RBFOX3: variants seen among roughly 807,000 people sequenced by gnomAD.
The protein encoded by RBFOX3 is RNA binding protein fox-1 homolog 3.
In RBFOX3, 17 loss-of-function variants were observed where a neutral mutation model predicts 48.7. That is an observed-to-expected ratio of 0.35 (90% CI 0.24 to 0.52). The LOEUF is 0.52. Ranked by LOEUF, RBFOX3 falls within the 20% of genes least tolerant of loss-of-function variation. The pLI, the probability that RBFOX3 is intolerant of heterozygous loss-of-function variation, is 0.94. For missense variants in RBFOX3, 382 were observed against 497.5 expected, an observed-to-expected ratio of 0.77 and a Z score of 2.21; for synonymous variants, 212 against 209.5, an observed-to-expected ratio of 1.01 and a Z score of -0.10.
At chr17:79,357,255 C>T (rs900029324) in intron 2 of RBFOX3, among the ~76,000 whole-genome samples, 1 of 152,256 alleles carries the variant, frequency 6.6e-6, no homozygotes, top group African/African-American at 2.4e-5. Flanking sequence ...GAAAGAGCGC[C>T]ACTTGTAAGC....
intron 4 of RBFOX3, among the ~76,000 whole-genome samples, chr17:79,116,948 C>T (rs982212749): frequency 1.3e-5 from 2 of 152,228 alleles, no homozygotes; most frequent in African/African-American, 4.8e-5. Flanking sequence ...CCTCCTCCAG[C>T]AATCTGCGTG....
At chr17:79,316,477 G>T (rs533650823) in intron 2 of RBFOX3, among the ~76,000 whole-genome samples, 1 of 152,182 alleles carries the variant, frequency 6.6e-6, no homozygotes, top group Non-Finnish European at 1.5e-5. Context: ...GCCAGGGACT[G>T]TTACTCAGGA....
chr17:79,173,700 G>A (rs2049887384), intron 4 of RBFOX3, among the ~76,000 whole-genome samples: 1 of 152,160 alleles, frequency 6.6e-6, no homozygotes, highest in African/African-American at 2.4e-5. Flanking sequence ...GGGGGCCTGG[G>A]AGGAAAATGG....
rs2088504011 is a variant in RBFOX3 at position 79,535,152 on chromosome 17, G to A, written c.-319-52554C>T. On this transcript the variant is annotated intron_variant, in intron 1 of 14. Coordinates refer to ENST00000693108, the MANE Select transcript of RBFOX3 (RefSeq NM_001350451.2). The surrounding 1 kb of genome is among the most constrained non-coding windows in gnomAD (Gnocchi z 4.5). Reference sequence around the variant, plus strand: ...ATTCAGCCCCTCTCTATGCCACAAGGACACAGGTCCTGTCTCCTGCCTGCT... The same window carrying A: ...ATTCAGCCCCTCTCTATGCCACAAGAACACAGGTCCTGTCTCCTGCCTGCT... Among the ~76,000 whole-genome samples the A allele has an allele frequency of 6.6e-6, 1 of 152,158 alleles. No individual in the cohort carries two copies. Among genetic ancestry groups the A allele is most frequent in the Non-Finnish European group, 1.5e-5 (1 of 68,034 alleles).
At chr17:79,427,145 CT>C (rs1329585254) in intron 2 of RBFOX3, among the ~76,000 whole-genome samples, 1 of 152,208 alleles carries the variant, frequency 6.6e-6, no homozygotes, top group Non-Finnish European at 1.5e-5. Flanking sequence ...GTAGCTGTGC[CT>C]CCCCTTTAGC....
chr17:79,282,880 C>G (rs2144508834), intron 3 of RBFOX3, among the ~76,000 whole-genome samples: 1 of 152,370 alleles, frequency 6.6e-6, no homozygotes, highest in East Asian at 1.9e-4. Context: ...AAGACTGACC[C>G]TCAGCTCTGC....
intron 9 of RBFOX3, among the ~76,000 whole-genome samples, chr17:79,100,866 C>T (rs1165993847): frequency 3.3e-5 from 5 of 152,334 alleles, no homozygotes; most frequent in African/African-American, 1.2e-4. Flanking sequence ...GGAAGACCGG[C>T]CACCTCCGTT....
At chr17:79,139,171 A>G in intron 4 of RBFOX3, among the ~76,000 whole-genome samples, 1 of 152,144 alleles carries the variant, frequency 6.6e-6, no homozygotes, top group East Asian at 1.9e-4. Flanking sequence ...ACCTGGGCTC[A>G]CACCCATGTC....
chr17:79,111,840 G>A lies in RBFOX3; in HGVS notation c.222+3654C>T, dbSNP rs573903522. On this transcript the variant is annotated intron_variant, in intron 5 of 14. Transcript: ENST00000693108. This position sits in a 1 kb window ranked among gnomAD's most constrained non-coding sequence, Gnocchi z 4.2. The stretch of plus-strand genomic sequence containing the variant: ...ATACATGCTCCAGATGGTGACCCCT[G>A]CTGGGGAACACAGACCCTGGGGGTG... 2.6e-5 allele frequency among the ~76,000 whole-genome samples: 4 copies of A among 152,252 alleles called. No individual in the cohort carries two copies. In the South Asian group the frequency reaches 8.3e-4, roughly 31 times the overall value.
chr17:79,555,296 T>G (rs1599140665), intron 1 of RBFOX3, among the ~76,000 whole-genome samples: 2 of 150,340 alleles, frequency 1.3e-5, no homozygotes, highest in Non-Finnish European at 3.0e-5. Context: ...GTGGTGATGG[T>G]GGTGATGATG....
chr17:79,096,620 T>TTGCCC, intron 12 of RBFOX3, 33 bp downstream of exon 12: 1 of 1,502,346 alleles, frequency 6.7e-7, no homozygotes, highest in Non-Finnish European at 9.1e-7. Flanking sequence ...GAACGCCTGA[T>TTGCCC]CCCACCCTCC....
chr17:79,174,551 A>T (rs1377183983), intron 4 of RBFOX3, among the ~76,000 whole-genome samples: 1 of 152,020 alleles, frequency 6.6e-6, no homozygotes, highest in Admixed American at 6.6e-5. Flanking sequence ...ACACACTGAT[A>T]CACAATGCAC....
At chr17:79,092,462 T>A in intron 14 of RBFOX3, 1 of 985,788 alleles carries the variant, frequency 1.0e-6, no homozygotes, top group Non-Finnish European at 1.2e-6. Context: ...ATTTTAGAGT[T>A]GCAGGGGGCC....
At chr17:79,319,419 G>A (rs540282122) in intron 2 of RBFOX3, among the ~76,000 whole-genome samples, 7 of 152,340 alleles carry the variant, frequency 4.6e-5, no homozygotes, top group Non-Finnish European at 8.8e-5. Flanking sequence ...TTGGGCTGCC[G>A]GAGTGGTGAT....
intron 2 of RBFOX3, among the ~76,000 whole-genome samples, chr17:79,446,190 G>C (rs2072255404): frequency 6.6e-6 from 1 of 152,196 alleles, no homozygotes; most frequent in African/African-American, 2.4e-5. Flanking sequence ...GCTGGCCCTA[G>C]AGATGGTCAG....
chr17:79,511,740 G>A (rs904116779), intron 1 of RBFOX3, among the ~76,000 whole-genome samples: 5 of 148,988 alleles, frequency 3.4e-5, no homozygotes, highest in East Asian at 2.0e-4. Flanking sequence ...TGTTACCATC[G>A]GGTACAGCCC....
intron 4 of RBFOX3, among the ~76,000 whole-genome samples, chr17:79,138,381 CACAT>C (rs1194209666): frequency 5.3e-5 from 8 of 152,212 alleles, no homozygotes; most frequent in East Asian, 1.9e-4. Context: ...ACACACTCCA[CACAT>C]ACACAGTGCA....
At chr17:79,626,956 C>A in the RBFOX3 span, among the ~76,000 whole-genome samples, 4 of 152,236 alleles carry the variant, frequency 2.6e-5, no homozygotes, top group Admixed American at 6.5e-5. Flanking sequence ...AACGGAAACA[C>A]CATTTCTATC....
the RBFOX3 span, among the ~76,000 whole-genome samples, chr17:79,626,700 G>T: frequency 6.6e-6 from 1 of 152,202 alleles, no homozygotes; most frequent in Non-Finnish European, 1.5e-5. Flanking sequence ...CACACTGAAG[G>T]GGGCATCCCC....
Sources: allele counts gnomAD v4.1 joint callset (sites outside exome capture counted in the v4.1 genomes callset), GRCh38; gene constraint gnomAD v4.1.1; non-coding constraint Gnocchi (gnomAD v3.1); transcripts MANE v1.5; gene names NCBI Gene and HGNC (gene_info 2026-07-23, HGNC 2026-07-21).